VAPB: variants seen among roughly 807,000 people sequenced by gnomAD.
The protein encoded by VAPB is VAMP associated protein B and C.
VAPB carries 7 observed loss-of-function variants against 25.6 expected under a neutral mutation model. That is an observed-to-expected ratio of 0.27 (90% CI 0.16 to 0.51). The LOEUF (loss-of-function observed/expected upper bound fraction) is 0.51, where lower values mean the gene tolerates loss of function less well. Among genes scored for constraint, VAPB ranks in the 20% least tolerant of loss-of-function variants. VAPB has a pLI of 0.97. For synonymous variants in VAPB, 112 were observed against 109.2 expected (o/e 1.03, Z -0.16); for missense variants, 266 against 301.3 (o/e 0.88, Z 0.87).
chr20:58,395,278 A>G (rs551786208), intron 1 of VAPB, among the ~76,000 whole-genome samples: 1 of 151,560 alleles, frequency 6.6e-6, no homozygotes, highest in Non-Finnish European at 1.5e-5. Flanking sequence ...CAGCCTCCCG[A>G]GTAGCTGGGA....
At chr20:58,413,235 A>AACTATTAGATAAAATAG (rs1988424765) in intron 1 of VAPB, among the ~76,000 whole-genome samples, 1 of 150,186 alleles carries the variant, frequency 6.7e-6, no homozygotes, top group South Asian at 2.1e-4. Context: ...AGTGGAGGGA[A>AACTATTAGATAAAATAG]GGTCAGCAGA....
chr20:58,437,091 TTCGAG>T (rs1046141344), intron 3 of VAPB, among the ~76,000 whole-genome samples: 1 of 144,824 alleles, frequency 6.9e-6, no homozygotes, highest in African/African-American at 2.6e-5. Context: ...ACCTCAGCTG[TTCGAG>T]TAACTAAAAC....
chr20:58,421,183 G>C (rs561698199), intron 2 of VAPB, among the ~76,000 whole-genome samples: 3 of 152,106 alleles, frequency 2.0e-5, no homozygotes, highest in Non-Finnish European at 4.4e-5. Flanking sequence ...AACCTTTCTA[G>C]GTTCTTGTTT....
intron 4 of VAPB, 46 bp downstream of exon 4, chr20:58,439,071 A>G (rs1407315103): frequency 6.5e-7 from 1 of 1,534,166 alleles, no homozygotes. Flanking sequence ...GTAAGCTGAT[A>G]CTTATTTGCA....
chr20:58,423,411 T>TCA (rs1988711243), intron 2 of VAPB, among the ~76,000 whole-genome samples: 2 of 12,890 alleles, frequency 1.6e-4, no homozygotes, highest in African/African-American at 2.7e-4. Flanking sequence ...AAACTCCATC[T>TCA]CACAAAAAAA....
intron 1 of VAPB, among the ~76,000 whole-genome samples, chr20:58,400,503 C>T (rs1036295421): frequency 6.6e-6 from 1 of 152,168 alleles, no homozygotes; most frequent in Non-Finnish European, 1.5e-5. Flanking sequence ...TATATCACCT[C>T]TTATTGTACG....
chr20:58,403,847 T>G (rs918835660), intron 1 of VAPB, among the ~76,000 whole-genome samples: 29 of 152,194 alleles, frequency 1.9e-4, no homozygotes, highest in South Asian at 4.1e-4. Context: ...TACCTTCTCA[T>G]CCCCACTGAC....
rs752709224 is a variant in VAPB, at chr20:58,440,895, G to A, written c.397-12G>A. The stretch of plus-strand genomic sequence containing the variant: ...GTCGGTGACACTTAGGCTTTCATTT[G>A]TTTTTGAACAGCATGATGTAGAAAT... On this transcript the variant is annotated splice_polypyrimidine_tract_variant and intron_variant, in intron 4 of 5. Transcript: ENST00000475243. 1.9e-6 allele frequency: 3 copies of A among 1,611,674 alleles called. No homozygotes were observed. Among genetic ancestry groups the A allele is most frequent in the East Asian group, 4.5e-5 (2 of 44,816 alleles).
chr20:58,427,293 CTGTGAT>C (rs1988814984), intron 2 of VAPB, among the ~76,000 whole-genome samples: 1 of 135,648 alleles, frequency 7.4e-6, no homozygotes. Flanking sequence ...CGAAAGTGAT[CTGTGAT>C]CTGTGATCTG....
In VAPB at chr20:58,449,606, TA is replaced by T; in HGVS notation, c.*5375del. On this transcript the variant is annotated 3_prime_UTR_variant, in exon 6 of 6. Transcript: ENST00000475243. Reference sequence around the variant, plus strand: ...TTGCCACGATATGGATTGCTTTGATTAAAAGATGTCAGTTGAATAAAACAGT... The same window carrying T: ...TTGCCACGATATGGATTGCTTTGATTAAAGATGTCAGTTGAATAAAACAGT... The T allele has an allele frequency of 2.2e-6, 1 of 454,076 alleles. No individual in the cohort carries two copies. Among genetic ancestry groups the T allele is most frequent in the Non-Finnish European group, 4.4e-6 (1 of 226,742 alleles). 28.1% of individuals were successfully genotyped at this position (454,076 alleles called of 1,614,324 possible).
In VAPB at chr20:58,418,291, A is replaced by G; in HGVS notation, c.139A>G (p.Thr47Ala). The G allele has an allele frequency of 6.2e-7, 1 of 1,614,208 alleles. No individual in the cohort carries two copies. The highest frequency in any genetic ancestry group is 8.5e-7 in the Non-Finnish European group (1 of 1,180,044). ...DRNVCFKVKT[T>A]APRRYCVRPN... The stretch of plus-strand genomic sequence containing the variant: ...AAATGTGTGTTTTAAGGTGAAGACT[A>G]CAGCACCACGTAGGTACTGTGTGAG... The change falls in exon 2 of 6, where the codon ACA (threonine) becomes GCA (alanine). Residue 47 changes from threonine to alanine, a missense_variant. Physicochemically the swap from Thr to Ala is moderately conservative, Grantham distance 58. Around this residue, in one of 3 missense-constraint regions of VAPB, gnomAD observed 98 missense variants for 147.1 expected, o/e 0.67. Coordinates refer to ENST00000475243, the MANE Select transcript of VAPB (RefSeq NM_004738.5).
chr20:58,407,283 TTGAGTTAA>T (rs1988254842), intron 1 of VAPB, among the ~76,000 whole-genome samples: 1 of 152,232 alleles, frequency 6.6e-6, no homozygotes, highest in Non-Finnish European at 1.5e-5. Context: ...GGTCTTTGTC[TTGAGTTAA>T]TGAGACCACT....
chr20:58,396,329 T>C (rs1190117685), intron 1 of VAPB, among the ~76,000 whole-genome samples: 1 of 152,140 alleles, frequency 6.6e-6, no homozygotes, highest in Non-Finnish European at 1.5e-5. Context: ...ATACCTATAA[T>C]GTGTTTCAAT....
chr20:58,448,089 CTTAA>C lies in VAPB; in HGVS notation c.*3859_*3862del. 1 of 453,964 alleles carries C rather than the reference CTTAA, an allele frequency of 2.2e-6. No individual in the cohort carries two copies. Among genetic ancestry groups the C allele is most frequent in the Non-Finnish European group, 4.4e-6 (1 of 226,774 alleles). The allele number at this position is 453,964 out of a possible 1,614,324, so 28.1% of individuals were successfully genotyped here. On this transcript the variant is annotated 3_prime_UTR_variant, in exon 6 of 6. Coordinates refer to ENST00000475243, the MANE Select transcript of VAPB (RefSeq NM_004738.5). ...AAGTTACCACTCTGAGGAGACCTCT[CTTAA>C]TTAACACTTGGGGCCATGTTTGCTG... is the stretch of plus-strand genomic sequence containing the variant.
At chr20:58,413,806 A>G (rs71368141) in intron 1 of VAPB, among the ~76,000 whole-genome samples, 45,163 of 112,704 alleles carry the variant, frequency 0.4, 7,342 homozygotes, top group South Asian at 0.42. Flanking sequence ...CGGACGGGGC[A>G]GCTGGCCGGG....
chr20:58,406,381 C>T (rs778407112), intron 1 of VAPB, among the ~76,000 whole-genome samples: 1 of 152,206 alleles, frequency 6.6e-6, no homozygotes, highest in African/African-American at 2.4e-5. Flanking sequence ...ATCCAAGTCT[C>T]ACAGCCTTTC....
chr20:58,438,189 TG>T lies in VAPB; in HGVS notation c.316-754del, dbSNP rs544440227. ...GTAATGAATGTGTTCCGTTGGTAGT[TG>T]GCAGAGTGGTTCTGAAACTAGTCCC... On this transcript the variant is annotated intron_variant, in intron 3 of 5. Coordinates refer to ENST00000475243, the MANE Select transcript of VAPB (RefSeq NM_004738.5). Among the ~76,000 whole-genome samples, 196 of 152,334 alleles carry T rather than the reference TG, an allele frequency of 1.3e-3. 1 individual carries two copies. The highest frequency in any genetic ancestry group is 2.2e-3 in the Non-Finnish European group (147 of 68,020).
Position 58,447,650 on chromosome 20 carries a change from C to T in VAPB, c.*3415C>T, listed in dbSNP as rs571866794. The stretch of plus-strand genomic sequence containing the variant: ...TTTCAGATGAATTTGAAAACAGACT[C>T]TGTGTGTGTGTGCATGTGTGCATGT... On this transcript the variant is annotated 3_prime_UTR_variant, in exon 6 of 6. Coordinates refer to ENST00000475243, the MANE Select transcript of VAPB (RefSeq NM_004738.5). 1 of 359,990 alleles carries T rather than the reference C, an allele frequency of 2.8e-6. No homozygotes were observed. Among genetic ancestry groups the T allele is most frequent in the African/African-American group, 4.5e-5 (1 of 22,346 alleles). 22.3% of individuals were successfully genotyped at this position (359,990 alleles called of 1,614,324 possible). A position where few individuals can be genotyped will look rare whatever the true frequency, so the allele number is the denominator to read the frequency against.
chr20:58,441,856 T>C (rs1989169525), intron 5 of VAPB, among the ~76,000 whole-genome samples: 1 of 152,222 alleles, frequency 6.6e-6, no homozygotes, highest in African/African-American at 2.4e-5. Context: ...TGGGCAGTTG[T>C]GGCTCATCAA....
Sources: gnomAD v4.1 joint callset for allele counts (sites outside exome capture counted in the v4.1 genomes callset) on GRCh38, gnomAD v4.1.1 for gene constraint, gnomAD v4.1.1 regional missense constraint, MANE v1.5 for transcripts, NCBI Gene and HGNC (gene_info 2026-07-23, HGNC 2026-07-21) for gene names.